The following PITPNM2 variants were observed in gnomAD, a reference collection of about 807,000 sequenced individuals.
PITPNM2 encodes phosphatidylinositol transfer protein membrane associated 2, also known as membrane-associated phosphatidylinositol transfer protein 2.
In PITPNM2, 35 loss-of-function variants were observed where a neutral mutation model predicts 132.2. That is an observed-to-expected ratio of 0.26 (90% CI 0.20 to 0.35). PITPNM2 has a LOEUF of 0.35. PITPNM2 is among the 10% of genes least tolerant of loss of function. The pLI, the probability that PITPNM2 is intolerant of heterozygous loss-of-function variation, is 1.00. For synonymous variants in PITPNM2, 738 were observed against 799.2 expected (o/e 0.92, Z 1.29); for missense variants, 1,332 against 1,912.0 (o/e 0.70, Z 5.66).
chr12:123,029,787 C>T (rs1049230730), intron 3 of PITPNM2, among the ~76,000 whole-genome samples: 2 of 150,948 alleles, frequency 1.3e-5, no homozygotes, highest in Admixed American at 6.6e-5. Context: ...GGTGGCTGTG[C>T]TTGCATGTAC....
chr12:123,092,274 T>C (rs1160751162), intron 2 of PITPNM2: 2 of 152,306 alleles, frequency 1.3e-5, no homozygotes, highest in Non-Finnish European at 2.9e-5. Context: ...TCTGGCACCA[T>C]GGCTCACGCC....
At chr12:123,069,913 G>A (rs1041057820) in intron 2 of PITPNM2, among the ~76,000 whole-genome samples, 1 of 152,156 alleles carries the variant, frequency 6.6e-6, no homozygotes, top group Admixed American at 6.5e-5. Context: ...TGCCCTGACC[G>A]TTTCCCAAGG....
chr12:123,039,784 G>C (rs2040398718), intron 2 of PITPNM2, among the ~76,000 whole-genome samples: 1 of 152,144 alleles, frequency 6.6e-6, no homozygotes, highest in Non-Finnish European at 1.5e-5. Flanking sequence ...AGTGGGGGAA[G>C]GGGCATATGG....
In PITPNM2 at chr12:123,008,794, G is replaced by A. The variant is rs1037049315; in HGVS notation, c.643+1056C>T. Among the ~76,000 whole-genome samples, 3 of 152,152 alleles carry A rather than the reference G, an allele frequency of 2.0e-5. No homozygotes were observed. The highest frequency in any genetic ancestry group is 1.3e-4 in the Admixed American group (2 of 15,278). ...AGGTGGTGACACCAACACACCCATC[G>A]AGGCCCTGTCCACGTCTTCGCTTCT... On this transcript the variant is annotated intron_variant, in intron 6 of 25. Transcript: ENST00000320201. The surrounding 1 kb of genome is among the most constrained non-coding windows in gnomAD (Gnocchi z 4.1).
At chr12:123,019,598 T>G (rs945457927) in intron 3 of PITPNM2, among the ~76,000 whole-genome samples, 8 of 152,122 alleles carry the variant, frequency 5.3e-5, no homozygotes, top group Non-Finnish European at 5.9e-5. Context: ...CCTCTCTCCC[T>G]CCAGGAAAGC....
Position 122,995,381 on chromosome 12 carries a change from C to T in PITPNM2, c.2054+8G>A, listed in dbSNP as rs1158504508. 6.3e-7 allele frequency: 1 copy of T among 1,581,524 alleles called. No individual in the cohort carries two copies. The highest frequency in any genetic ancestry group is 2.2e-5 in the East Asian group (1 of 44,496). ...AGAGGCAAGCCCCAGCCCCCCAGCC[C>T]TGCCCACCTGGACAGGAAGGCCTGG... is the stretch of plus-strand genomic sequence containing the variant. On this transcript the variant is annotated splice_region_variant and intron_variant, in intron 14 of 25. Coordinates refer to ENST00000320201, the MANE Select transcript of PITPNM2 (RefSeq NM_020845.3).
rs1483707425 is a variant in PITPNM2, at chr12:123,099,360, C to T, written c.-96+11025G>A. ...CTCCCTATGTTCCTCGGAGAACACC[C>T]AGCACAGCAAGATTGGGAAGCTACT... On this transcript the variant is annotated intron_variant, in intron 2 of 25. Coordinates refer to ENST00000320201, the MANE Select transcript of PITPNM2 (RefSeq NM_020845.3). This position sits in a 1 kb window ranked among gnomAD's most constrained non-coding sequence, Gnocchi z 4.2. 1.3e-5 allele frequency among the ~76,000 whole-genome samples: 2 copies of T among 152,216 alleles called. No individual in the cohort carries two copies. The highest frequency in any genetic ancestry group is 2.9e-5 in the Non-Finnish European group (2 of 68,044).
intron 2 of PITPNM2, among the ~76,000 whole-genome samples, chr12:123,054,717 C>A (rs1566269477): frequency 6.6e-6 from 1 of 152,200 alleles, no homozygotes; most frequent in Admixed American, 6.5e-5. Context: ...TTGCTTTGAC[C>A]TTCTGCATGT....
Position 123,125,570 on chromosome 12 carries a change from C to T in PITPNM2, c.-199-15082G>A, listed in dbSNP as rs146822648. Among the ~76,000 whole-genome samples the T allele has an allele frequency of 7.3e-3, 1,113 of 152,064 alleles. 15 individuals carry two copies. Among genetic ancestry groups the T allele is most frequent in the African/African-American group, 0.025 (1,029 of 41,494 alleles). ...AAGAAAATGCATGGTACAGGCCAGGCGCTGTGGCTCACGCCTGTAATCCCA... is the reference window on the plus strand; with the variant it reads ...AAGAAAATGCATGGTACAGGCCAGGTGCTGTGGCTCACGCCTGTAATCCCA... On this transcript the variant is annotated intron_variant, in intron 1 of 25. Transcript: ENST00000320201.
rs2039751397 is a variant in PITPNM2 at position 123,023,662 on chromosome 12, G to T, written c.79-9620C>A. Among the ~76,000 whole-genome samples the T allele has an allele frequency of 6.6e-6, 1 of 152,072 alleles. No individual in the cohort carries two copies. The highest frequency in any genetic ancestry group is 6.5e-5 in the Admixed American group (1 of 15,268). Reference sequence around the variant, plus strand: ...AAAAACACGTTCTCCTAAATGTAAGGGCTCAAACTATAAAACTCTTAAGAG... The same window carrying T: ...AAAAACACGTTCTCCTAAATGTAAGTGCTCAAACTATAAAACTCTTAAGAG... On this transcript the variant is annotated intron_variant, in intron 3 of 25. Coordinates refer to ENST00000320201, the MANE Select transcript of PITPNM2 (RefSeq NM_020845.3). The surrounding 1 kb of genome is among the most constrained non-coding windows in gnomAD (Gnocchi z 4.8).
intron 2 of PITPNM2, among the ~76,000 whole-genome samples, chr12:123,103,645 A>G (rs2042620146): frequency 6.6e-6 from 1 of 152,068 alleles, no homozygotes; most frequent in Non-Finnish European, 1.5e-5. Context: ...GGGACCATTC[A>G]TTGTTTCAGC....
chr12:123,071,116 T>A (rs900922364), intron 2 of PITPNM2, among the ~76,000 whole-genome samples: 8 of 152,198 alleles, frequency 5.3e-5, no homozygotes, highest in African/African-American at 1.4e-4. Context: ...TCCTCGAGTG[T>A]CCACTGTTGC....
At chr12:123,141,525 T>C (rs967959117) in intron 1 of PITPNM2, among the ~76,000 whole-genome samples, 3 of 152,054 alleles carry the variant, frequency 2.0e-5, no homozygotes, top group Non-Finnish European at 4.4e-5. Context: ...GGGATGCCTC[T>C]GGTTTGGAGG....
At chr12:123,113,756 A>C (rs952422885) in intron 1 of PITPNM2, among the ~76,000 whole-genome samples, 4 of 151,828 alleles carry the variant, frequency 2.6e-5, no homozygotes, top group African/African-American at 9.7e-5. Flanking sequence ...TTATTAGTCT[A>C]CTTACAATGT....
chr12:123,131,237 T>C (rs2043255449), intron 1 of PITPNM2, among the ~76,000 whole-genome samples: 1 of 152,198 alleles, frequency 6.6e-6, no homozygotes, highest in Non-Finnish European at 1.5e-5. Flanking sequence ...ATCCAATGAC[T>C]GGTGTCCTTA....
At chr12:123,148,563 A>G (rs1346573430) in intron 1 of PITPNM2, among the ~76,000 whole-genome samples, 1 of 152,090 alleles carries the variant, frequency 6.6e-6, no homozygotes, top group African/African-American at 2.4e-5. Context: ...GAGAGCATCT[A>G]TCTGCTTGGT....
At position 123,001,155 on chromosome 12, in the gene PITPNM2, T is replaced by A; in HGVS notation, c.1052A>T (p.Asp351Val). ...SDDEFFDAHE[D>V]LSDTEEMFPK... is the part of the protein sequence containing the mutation. ...GAACATTTCCTCTGTGTCGGACAGG[T>A]CCTCTGGAGAGGAGAGAGGGAAACT... Residue 351 changes from aspartate to valine, a missense_variant, in exon 9 of 26, where the codon GAC (aspartate) becomes GTC (valine). Physicochemically the swap from Asp to Val is radical, Grantham distance 152 (BLOSUM62 -3). Coordinates refer to ENST00000320201, the MANE Select transcript of PITPNM2 (RefSeq NM_020845.3). The A allele has an allele frequency of 1.2e-6, 2 of 1,613,502 alleles. No homozygotes were observed. The highest frequency in any genetic ancestry group is 1.7e-6 in the Non-Finnish European group (2 of 1,179,508).
At chr12:122,990,777 C>A in intron 16 of PITPNM2, 68 bp from the exon 17 acceptor site, 1 of 1,482,706 alleles carries the variant, frequency 6.7e-7, no homozygotes, top group Non-Finnish European at 9.0e-7. Flanking sequence ...AGTGGGGAAG[C>A]CAGTGTGCCA....
chr12:122,988,453 G>T, intron 19 of PITPNM2, 103 bp from the exon 20 acceptor site: 2 of 978,264 alleles, frequency 2.0e-6, no homozygotes, highest in Non-Finnish European at 3.2e-6. Context: ...GAGCCTGTGG[G>T]TTGTAGGGGG....
Sources: gnomAD v4.1 joint callset for allele counts (sites outside exome capture counted in the v4.1 genomes callset) on GRCh38, gnomAD v4.1.1 for gene constraint, Gnocchi (gnomAD v3.1) non-coding constraint, MANE v1.5 for transcripts, NCBI Gene and HGNC (gene_info 2026-07-23, HGNC 2026-07-21) for gene names.